FBXL7: variants seen among roughly 807,000 people sequenced by gnomAD.
The protein encoded by FBXL7 is F-box/LRR-repeat protein 7.
Under a neutral mutation model 38.3 loss-of-function variants are expected in FBXL7, and 12 were observed. That is an observed-to-expected ratio of 0.31 (90% CI 0.20 to 0.51). The LOEUF is 0.51. Among genes scored for constraint, FBXL7 ranks in the 20% least tolerant of loss-of-function variants. The pLI is 0.98. For synonymous variants in FBXL7, 297 were observed against 300.9 expected, an observed-to-expected ratio of 0.99 and a Z score of 0.13; for missense variants, 567 against 676.4, an observed-to-expected ratio of 0.84 and a Z score of 1.79.
intron 2 of FBXL7, among the ~76,000 whole-genome samples, chr5:15,809,997 A>G (rs775159949): frequency 1.3e-5 from 2 of 152,152 alleles, no homozygotes; most frequent in Non-Finnish European, 2.9e-5. Flanking sequence ...AAAACACAAA[A>G]TATTTTGCTC....
intron 1 of FBXL7, among the ~76,000 whole-genome samples, chr5:15,518,905 G>A (rs757473857): frequency 3.3e-5 from 5 of 152,034 alleles, no homozygotes; most frequent in African/African-American, 1.2e-4. Context: ...ATGTGTCAGC[G>A]CTTGTTTGGC....
chr5:15,638,963 G>A (rs764218900), intron 2 of FBXL7, among the ~76,000 whole-genome samples: 10 of 152,176 alleles, frequency 6.6e-5, no homozygotes, highest in Non-Finnish European at 1.3e-4. Flanking sequence ...CTAAACCAAA[G>A]TTGGAATTCT....
chr5:15,685,083 T>G (rs1240297783), intron 2 of FBXL7, among the ~76,000 whole-genome samples: 1 of 152,106 alleles, frequency 6.6e-6, no homozygotes, highest in Admixed American at 6.6e-5. Flanking sequence ...TATCTAAAAT[T>G]TTACCTGATA....
chr5:15,689,381 G>T (rs1423115512), intron 2 of FBXL7, among the ~76,000 whole-genome samples: 1 of 151,920 alleles, frequency 6.6e-6, no homozygotes, highest in East Asian at 1.9e-4. Flanking sequence ...TTGATGCAGG[G>T]CTTCTTGGGA....
chr5:15,920,833 T>A (rs185280655), intron 2 of FBXL7, among the ~76,000 whole-genome samples: 20 of 152,302 alleles, frequency 1.3e-4, no homozygotes, highest in African/African-American at 4.3e-4. Flanking sequence ...TTTGGTTCTT[T>A]TTGTGTCTTT....
At chr5:15,833,956 A>G (rs1416509394) in intron 2 of FBXL7, among the ~76,000 whole-genome samples, 2 of 152,366 alleles carry the variant, frequency 1.3e-5, no homozygotes, top group Non-Finnish European at 2.9e-5. Context: ...CTCTTAGAAT[A>G]TAACAGTCAT....
chr5:15,523,789 C>T (rs1339382525), intron 1 of FBXL7, among the ~76,000 whole-genome samples: 1 of 152,170 alleles, frequency 6.6e-6, no homozygotes, highest in African/African-American at 2.4e-5. Flanking sequence ...ATCATTTCCA[C>T]TCACATCCTC....
chr5:15,647,282 GGTAA>G (rs1186408129), intron 2 of FBXL7, among the ~76,000 whole-genome samples: 1 of 152,172 alleles, frequency 6.6e-6, no homozygotes, highest in Non-Finnish European at 1.5e-5. Context: ...TTTCTAATGT[GGTAA>G]GTAAGACACA....
chr5:15,865,442 A>G (rs1739665713), intron 2 of FBXL7, among the ~76,000 whole-genome samples: 1 of 152,204 alleles, frequency 6.6e-6, no homozygotes, highest in East Asian at 1.9e-4. Flanking sequence ...GAGATTATAT[A>G]TGTCAGGAGG....
intron 2 of FBXL7, among the ~76,000 whole-genome samples, chr5:15,813,571 C>T (rs1288931228): frequency 6.6e-6 from 1 of 152,090 alleles, no homozygotes; most frequent in Non-Finnish European, 1.5e-5. Context: ...CCAAAATTGA[C>T]AAATGGGATC....
chr5:15,771,540 G>T, intron 2 of FBXL7, among the ~76,000 whole-genome samples: 1 of 152,174 alleles, frequency 6.6e-6, no homozygotes, highest in East Asian at 1.9e-4. Flanking sequence ...TTGGGAAAGG[G>T]AGAGATATCA....
Position 15,892,387 on chromosome 5 carries a change from G to A in FBXL7, c.128-35503G>A, listed in dbSNP as rs116711347. Among the ~76,000 whole-genome samples the A allele has an allele frequency of 4.6e-3, 694 of 152,314 alleles. 3 individuals are homozygous for A. The highest frequency in any genetic ancestry group is 0.016 in the African/African-American group (667 of 41,570). On this transcript the variant is annotated intron_variant, in intron 2 of 3. Transcript: ENST00000504595. Reference sequence around the variant, plus strand: ...GAGGTGAGTTGAAGATGTTGCTGGAGAGTTTTGAGCAGAGGCGGGACATGC... The same window carrying A: ...GAGGTGAGTTGAAGATGTTGCTGGAAAGTTTTGAGCAGAGGCGGGACATGC...
chr5:15,663,308 T>C (rs1274299963), intron 2 of FBXL7, among the ~76,000 whole-genome samples: 1 of 152,174 alleles, frequency 6.6e-6, no homozygotes, highest in Non-Finnish European at 1.5e-5. Flanking sequence ...GCTTGGCTGT[T>C]GTGGGTGTAT....
intron 1 of FBXL7, chr5:15,580,956 A>G: frequency 3.4e-6 from 1 of 292,352 alleles, no homozygotes; most frequent in Non-Finnish European, 5.1e-6. Flanking sequence ...CTCTAGATCC[A>G]GGGATTAGGA....
chr5:15,543,550 T>G (rs1015404165), intron 1 of FBXL7, among the ~76,000 whole-genome samples: 19 of 152,210 alleles, frequency 1.2e-4, no homozygotes, highest in African/African-American at 4.3e-4. Flanking sequence ...GGAATGGACA[T>G]TCCCTACTCC....
chr5:15,619,515 A>C (rs568468878), intron 2 of FBXL7, among the ~76,000 whole-genome samples: 1 of 152,254 alleles, frequency 6.6e-6, no homozygotes, highest in South Asian at 2.1e-4. Context: ...ACTATGTTTA[A>C]CCTTTGATGT....
intron 2 of FBXL7, among the ~76,000 whole-genome samples, chr5:15,623,439 G>T (rs1366153793): frequency 2.6e-5 from 4 of 152,152 alleles, no homozygotes; most frequent in African/African-American, 9.7e-5. Flanking sequence ...GAAATTATTT[G>T]ATTTCTAAAG....
intron 2 of FBXL7, among the ~76,000 whole-genome samples, chr5:15,778,318 A>G (rs1736909059): frequency 6.6e-6 from 1 of 152,050 alleles, no homozygotes; most frequent in African/African-American, 2.4e-5. Context: ...TTTTACTGAG[A>G]GAATGGACTC....
chr5:15,608,747 A>G (rs1740120482), intron 1 of FBXL7, among the ~76,000 whole-genome samples: 1 of 152,224 alleles, frequency 6.6e-6, no homozygotes, highest in African/African-American at 2.4e-5. Context: ...GCCTGCTAGT[A>G]TAACCCACAG....
Sources: gnomAD v4.1 joint callset for allele counts (sites outside exome capture counted in the v4.1 genomes callset) on GRCh38, gnomAD v4.1.1 for gene constraint, MANE v1.5 for transcripts, NCBI Gene and HGNC (gene_info 2026-07-23, HGNC 2026-07-21) for gene names.